The following AP3B1 variants were observed in gnomAD, a reference collection of about 807,000 sequenced individuals.
AP3B1 encodes the protein adaptor related protein complex 3 subunit beta 1.
In AP3B1, 61 loss-of-function variants were observed where a neutral mutation model predicts 132.5. The observed-to-expected ratio is 0.46, with a 90% CI of 0.37 to 0.57. The LOEUF is 0.57. AP3B1 is among the 20% of genes least tolerant of loss of function. AP3B1 has a pLI of 0.00. For synonymous variants in AP3B1, 388 were observed against 438.3 expected, an observed-to-expected ratio of 0.89 and a Z score of 1.43; for missense variants, 1,120 against 1,289.4, an observed-to-expected ratio of 0.87 and a Z score of 2.01.
At chr5:78,118,397 A>G (rs1751963427) in intron 17 of AP3B1, among the ~76,000 whole-genome samples, 1 of 152,198 alleles carries the variant, frequency 6.6e-6, no homozygotes, top group African/African-American at 2.4e-5. Flanking sequence ...CAGGAAGCGC[A>G]AGGGGTCAGG....
intron 26 of AP3B1, among the ~76,000 whole-genome samples, chr5:78,013,204 C>A (rs1004951832): frequency 6.6e-6 from 1 of 151,988 alleles, no homozygotes; most frequent in Non-Finnish European, 1.5e-5. Context: ...GCCACCATGC[C>A]GGATTTAATT....
At chr5:78,247,687 T>C (rs924117737) in intron 2 of AP3B1, among the ~76,000 whole-genome samples, 1 of 152,114 alleles carries the variant, frequency 6.6e-6, no homozygotes, top group Non-Finnish European at 1.5e-5. Context: ...AGTGTTTGTA[T>C]GGTATGCATT....
chr5:78,027,714 A>G (rs560660476), intron 24 of AP3B1, among the ~76,000 whole-genome samples: 1 of 152,268 alleles, frequency 6.6e-6, no homozygotes, highest in East Asian at 1.9e-4. Flanking sequence ...ATCTTCCTTT[A>G]TGCCCTTTAG....
At chr5:78,180,364 C>G (rs1744315428) in intron 8 of AP3B1, among the ~76,000 whole-genome samples, 1 of 151,986 alleles carries the variant, frequency 6.6e-6, no homozygotes, top group Non-Finnish European at 1.5e-5. Flanking sequence ...CTAAATCCGT[C>G]AAGCCTTTGG....
At chr5:78,162,770 A>C (rs1561449290) in intron 13 of AP3B1, 49 bp downstream of exon 13, 1 of 1,600,330 alleles carries the variant, frequency 6.2e-7, no homozygotes, top group East Asian at 2.2e-5. Flanking sequence ...TAATACCAAG[A>C]ATATTCAAAT....
At chr5:78,235,614 C>T (rs1282640441) in intron 3 of AP3B1, among the ~76,000 whole-genome samples, 1 of 152,198 alleles carries the variant, frequency 6.6e-6, no homozygotes, top group Non-Finnish European at 1.5e-5. Flanking sequence ...TCCCTGAAAC[C>T]ATTCTGTGAC....
Position 78,169,224 on chromosome 5 carries a change from T to C in AP3B1, c.1168-3552A>G, listed in dbSNP as rs555024754. Among the ~76,000 whole-genome samples, 4 of 151,854 alleles carry C rather than the reference T, an allele frequency of 2.6e-5. No individual in the cohort carries two copies. The South Asian group carries it at 8.3e-4, about 32-fold the overall frequency. The stretch of plus-strand genomic sequence containing the variant: ...TTATTACTTCCTGAAAACAATGCTC[T>C]TTCATAATCCCTTGTGTTAGCATGA... On this transcript the variant is annotated intron_variant, in intron 11 of 26. Transcript: ENST00000255194.
intron 7 of AP3B1, among the ~76,000 whole-genome samples, chr5:78,193,770 A>ATATATATATT: frequency 3.0e-5 from 2 of 67,214 alleles, no homozygotes; most frequent in African/African-American, 1.0e-4. Context: ...ATATATATAT[A>ATATATATATT]TTTTTTTTTT....
At chr5:78,091,264 T>A in intron 21 of AP3B1, among the ~76,000 whole-genome samples, 1 of 87,522 alleles carries the variant, frequency 1.1e-5, no homozygotes, top group African/African-American at 4.4e-5. Context: ...GAAAAAGAGA[T>A]ACATGTATTT....
At chr5:78,074,998 T>G (rs1162145920) in intron 22 of AP3B1, among the ~76,000 whole-genome samples, 1 of 152,202 alleles carries the variant, frequency 6.6e-6, no homozygotes. Context: ...TTGAATGAGA[T>G]CACATATTCA....
intron 8 of AP3B1, among the ~76,000 whole-genome samples, chr5:78,180,532 T>C (rs928288892): frequency 1.3e-5 from 2 of 151,996 alleles, no homozygotes; most frequent in African/African-American, 4.8e-5. Context: ...TCTGCAAGAC[T>C]TGACAGGCTT....
chr5:78,278,711 C>G (rs1428610313), intron 1 of AP3B1, among the ~76,000 whole-genome samples: 1 of 151,604 alleles, frequency 6.6e-6, no homozygotes, highest in Non-Finnish European at 1.5e-5. Context: ...CAGAACATTA[C>G]CCATCTGTGG....
Position 78,128,038 on chromosome 5 carries a change from T to C in AP3B1, c.1960A>G (p.Ile654Val), listed in dbSNP as rs1752534452. Residue 654 changes from isoleucine (I) to valine (V), a missense_variant, in exon 17 of 27, where the codon ATA (isoleucine) becomes GTA (valine). Physicochemically the swap from Ile to Val is conservative, Grantham distance 29. Coordinates refer to ENST00000255194, the MANE Select transcript of AP3B1 (RefSeq NM_003664.5). ...PDPSVRNVEV[I>V]ELAKEWTPAG... ...CAGAAAGGTCAACTTACCAACTCTA[T>C]TACTTCTACATTTCGAACTGATGGG... The C allele has an allele frequency of 6.2e-7, 1 of 1,612,864 alleles. No individual in the cohort carries two copies. The highest frequency in any genetic ancestry group is 2.2e-5 in the East Asian group (1 of 44,834).
chr5:78,257,367 AT>A (rs1747889874), intron 2 of AP3B1, among the ~76,000 whole-genome samples: 3 of 152,354 alleles, frequency 2.0e-5, no homozygotes, highest in African/African-American at 7.2e-5. Flanking sequence ...GCATTTCTAT[AT>A]GCCAACAGTG....
chr5:78,104,482 A>G (rs1162174812), intron 20 of AP3B1, among the ~76,000 whole-genome samples: 1 of 152,164 alleles, frequency 6.6e-6, no homozygotes, highest in Non-Finnish European at 1.5e-5. Context: ...GAAATCAGGA[A>G]AGACATAAAC....
chr5:78,235,408 C>T (rs1746833352), intron 3 of AP3B1, among the ~76,000 whole-genome samples: 2 of 152,162 alleles, frequency 1.3e-5, no homozygotes, highest in African/African-American at 4.8e-5. Context: ...CACAGCTGAG[C>T]TAGCAGGCAT....
At chr5:78,065,269 C>T (rs1306930033) in intron 22 of AP3B1, among the ~76,000 whole-genome samples, 1 of 152,186 alleles carries the variant, frequency 6.6e-6, no homozygotes, top group Admixed American at 6.5e-5. Flanking sequence ...CTCTCAGTGG[C>T]CCCTCGGCTG....
At chr5:78,141,400 CAA>C in intron 14 of AP3B1, 81 bp from the exon 15 acceptor site, 1 of 1,154,396 alleles carries the variant, frequency 8.7e-7, no homozygotes, top group Non-Finnish European at 1.3e-6. Flanking sequence ...TTAACTATTA[CAA>C]AAGTTTTACA....
At chr5:78,010,450 A>G (rs895379941) in intron 26 of AP3B1, among the ~76,000 whole-genome samples, 4 of 152,142 alleles carry the variant, frequency 2.6e-5, no homozygotes, top group Admixed American at 2.0e-4. Flanking sequence ...AAACTCACAC[A>G]TGATTTTTTT....
Sources: allele counts gnomAD v4.1 joint callset (sites outside exome capture counted in the v4.1 genomes callset), GRCh38; gene constraint gnomAD v4.1.1; transcripts MANE v1.5; gene names NCBI Gene and HGNC (gene_info 2026-07-23, HGNC 2026-07-21).